The following CCDC137 variants were observed in gnomAD, a reference collection of about 807,000 sequenced individuals.
CCDC137 encodes coiled-coil domain containing 137, also known as coiled-coil domain-containing protein 137.
Under a neutral mutation model 30.4 loss-of-function variants are expected in CCDC137, and 24 were observed. The ratio of observed to expected loss-of-function variants is 0.79; its 90% confidence interval spans 0.57 to 1.11. The LOEUF (loss-of-function observed/expected upper bound fraction) is 1.11. CCDC137 is among the 50% of genes least tolerant of loss of function. The pLI, the probability that CCDC137 is intolerant of heterozygous loss-of-function variation, is 0.00. For missense variants in CCDC137, 417 were observed against 380.4 expected, an observed-to-expected ratio of 1.10 and a Z score of -0.80; for synonymous variants, 182 against 155.7, an observed-to-expected ratio of 1.17 and a Z score of -1.26.
At position 81,667,768 on chromosome 17, in the gene CCDC137, G is replaced by A. The variant is rs1391262369; in HGVS notation, c.174G>A (p.Gln58=). 5 of 1,613,678 alleles carry A rather than the reference G, an allele frequency of 3.1e-6. No individual in the cohort carries two copies. Among genetic ancestry groups the A allele is most frequent in the African/African-American group, 1.3e-5 (1 of 75,034 alleles). Residue 58 remains glutamine, a synonymous_variant, in exon 2 of 6, where the codon CAG becomes CAA. Coordinates refer to ENST00000329214, the MANE Select transcript of CCDC137 (RefSeq NM_199287.3). ...KKKVNCKPKN[Q]DEQEIPFRLR... is the part of the protein sequence containing the mutation. ...AAGTGAACTGCAAGCCCAAGAACCA[G>A]GACGAACAGGAGATTCCTTTCCGGC...
intron 5 of CCDC137, 91 bp downstream of exon 5, chr17:81,672,246 T>C: frequency 7.5e-7 from 1 of 1,340,092 alleles, no homozygotes; most frequent in Non-Finnish European, 1.1e-6. Context: ...GGGTCACACC[T>C]GTAATCCCAG....
intron 3 of CCDC137, 111 bp from the exon 4 acceptor site, chr17:81,671,633 T>C (rs1248195820): frequency 1.9e-6 from 2 of 1,054,916 alleles, no homozygotes; most frequent in Non-Finnish European, 2.8e-6. Flanking sequence ...CCACCTGTTC[T>C]TGGGTCCCTG....
intron 4 of CCDC137, 112 bp downstream of exon 4, chr17:81,671,938 G>A: frequency 6.8e-7 from 1 of 1,465,698 alleles, no homozygotes; most frequent in South Asian, 1.1e-5. Flanking sequence ...TTCCCCTGGG[G>A]TCCACAGCCA....
At chr17:81,668,678 G>T (rs992026784) in intron 2 of CCDC137, among the ~76,000 whole-genome samples, 3 of 152,082 alleles carry the variant, frequency 2.0e-5, no homozygotes, top group Non-Finnish European at 4.4e-5. Context: ...GTGCTGCATT[G>T]AATTGGCACC....
Position 81,666,898 on chromosome 17 carries a change from C to T in CCDC137, c.132C>T (p.Arg44=), listed in dbSNP as rs2036639153. ...GCCCAGCCCCGTGGCCCGGGCTTCG[C>T]AGGTGACTGCGCTGCCCCGCGAGGC... ...KQRPAPWPGL[R]SKEKKKVNCK... Residue 44 remains arginine (R), a splice_region_variant and synonymous_variant, in exon 1 of 6, where the codon CGC becomes CGT. Transcript: ENST00000329214. The T allele has an allele frequency of 7.8e-6, 10 of 1,276,802 alleles. No individual in the cohort carries two copies. The South Asian group carries it at 2.3e-4, about 29-fold the overall frequency. 79.1% of individuals were successfully genotyped at this position (1,276,802 alleles called of 1,614,324 possible). A position where few individuals can be genotyped will look rare whatever the true frequency, so the allele number is the denominator to read the frequency against.
At chr17:81,668,281 C>T (rs1239406963) in intron 2 of CCDC137, among the ~76,000 whole-genome samples, 1 of 152,178 alleles carries the variant, frequency 6.6e-6, no homozygotes, top group Non-Finnish European at 1.5e-5. Flanking sequence ...AGCCATGATT[C>T]TTGGGACAAG....
Position 81,673,446 on chromosome 17 carries a change from T to A in CCDC137, c.*742T>A, listed in dbSNP as rs980767524. ...AGTTGTCACCTACCTAACAGGGCTC[T>A]GAGAGAGCCGGGAGGCCCAAAGTGG... On this transcript the variant is annotated 3_prime_UTR_variant, in exon 6 of 6. Coordinates refer to ENST00000329214, the MANE Select transcript of CCDC137 (RefSeq NM_199287.3). 6.6e-6 allele frequency: 1 copy of A among 151,598 alleles called. No homozygotes were observed. Among genetic ancestry groups the A allele is most frequent in the African/African-American group, 2.4e-5 (1 of 41,298 alleles). The allele number at this position is 151,598 out of a possible 1,614,324, so 9.4% of individuals were successfully genotyped here.
Position 81,667,874 on chromosome 17 carries a change from C to G in CCDC137, c.268+12C>G. The G allele has an allele frequency of 1.2e-6, 2 of 1,609,884 alleles. No individual in the cohort carries two copies. Among genetic ancestry groups the G allele is most frequent in the Non-Finnish European group, 1.7e-6 (2 of 1,179,348 alleles). On this transcript the variant is annotated intron_variant, in intron 2 of 5. Transcript: ENST00000329214. Reference sequence around the variant, plus strand: ...GAGGAAGAAAGCAGGTGTGTGCAGGCCCATACTGGGCGGCAGTGAAGCTTT... The same window carrying G: ...GAGGAAGAAAGCAGGTGTGTGCAGGGCCATACTGGGCGGCAGTGAAGCTTT...
Position 81,672,063 on chromosome 17 carries a change from T to C in CCDC137, c.581-13T>C. The C allele has an allele frequency of 6.2e-7, 1 of 1,613,956 alleles. No individual in the cohort carries two copies. The highest frequency in any genetic ancestry group is 1.1e-5 in the South Asian group (1 of 91,078). On this transcript the variant is annotated splice_polypyrimidine_tract_variant and intron_variant, in intron 4 of 5. Coordinates refer to ENST00000329214, the MANE Select transcript of CCDC137 (RefSeq NM_199287.3). Reference sequence around the variant, plus strand: ...TGTGGGCAGCAGTCCTCAGTTGTATTCTGCTCCTCCAGACACGGTGAAGTT... The same window carrying C: ...TGTGGGCAGCAGTCCTCAGTTGTATCCTGCTCCTCCAGACACGGTGAAGTT...
chr17:81,670,599 G>C, intron 3 of CCDC137, 146 bp downstream of exon 3: 1 of 710,342 alleles, frequency 1.4e-6, no homozygotes, highest in East Asian at 2.7e-5. Context: ...CCTGGGAGTT[G>C]GCGAGTCGGA....
chr17:81,671,346 T>C (rs1439730629), intron 3 of CCDC137, among the ~76,000 whole-genome samples: 1 of 152,200 alleles, frequency 6.6e-6, no homozygotes, highest in African/African-American at 2.4e-5. Context: ...GGAGACGTGA[T>C]ATACAATGCT....
At position 81,667,103 on chromosome 17, in the gene CCDC137, C is replaced by G. The variant is rs964758613; in HGVS notation, c.134+203C>G. On this transcript the variant is annotated intron_variant, in intron 1 of 5. Transcript: ENST00000329214. ...GGCGCGAGCGAGTCCTTGGTTTTGCCTTTCCCGCGTCCCAGTGTCCCGTCT... is the reference window on the plus strand; with the variant it reads ...GGCGCGAGCGAGTCCTTGGTTTTGCGTTTCCCGCGTCCCAGTGTCCCGTCT... 37 of 495,302 alleles carry G rather than the reference C, an allele frequency of 7.5e-5. No individual in the cohort carries two copies. The Admixed American group carries it at 1.5e-3, about 19-fold the overall frequency. The allele number at this position is 495,302 out of a possible 1,614,324, so 30.7% of individuals were successfully genotyped here.
At chr17:81,670,834 C>T (rs1266502288) in intron 3 of CCDC137, among the ~76,000 whole-genome samples, 1 of 152,132 alleles carries the variant, frequency 6.6e-6, no homozygotes, top group Non-Finnish European at 1.5e-5. Flanking sequence ...CTTCCTAATT[C>T]TCTAAAAGCT....
intron 2 of CCDC137, among the ~76,000 whole-genome samples, chr17:81,669,312 G>A (rs12944253): frequency 0.089 from 13,421 of 150,110 alleles, 847 homozygotes; most frequent in East Asian, 0.22. Flanking sequence ...TGCCCGGCTC[G>A]TTTTTGTATT....
At chr17:81,671,901 G>A in intron 4 of CCDC137, 75 bp downstream of exon 4, 1 of 1,556,110 alleles carries the variant, frequency 6.4e-7, no homozygotes, top group Non-Finnish European at 8.8e-7. Context: ...TTCCCCACCA[G>A]CCCTGGCTGC....
In CCDC137 at chr17:81,666,856, G is replaced by A. The variant is rs1012576467; in HGVS notation, c.90G>A (p.Gln30=). The A allele has an allele frequency of 3.8e-6, 5 of 1,322,590 alleles. No individual in the cohort carries two copies. The highest frequency in any genetic ancestry group is 2.1e-5 in the South Asian group (1 of 48,622). The allele number at this position is 1,322,590 out of a possible 1,614,324, so 81.9% of individuals were successfully genotyped here. ...GAGCGCGGGGGCGGCAGCAAGTGCA[G>A]CCGCTGGGGAAGCAGCGCCCAGCCC... ...PRRARGRQQV[Q]PLGKQRPAPW... is the part of the protein sequence containing the mutation. Residue 30 remains glutamine (Q), a synonymous_variant, in exon 1 of 6, where the codon CAG becomes CAA. Coordinates refer to ENST00000329214, the MANE Select transcript of CCDC137 (RefSeq NM_199287.3).
intron 5 of CCDC137, 125 bp downstream of exon 5, chr17:81,672,280 G>A (rs12938873): frequency 0.06 from 63,685 of 1,057,432 alleles, 3,320 homozygotes; most frequent in East Asian, 0.26. Flanking sequence ...CAAGGCAGGC[G>A]GATTGCTTGA....
At chr17:81,668,014 C>T (rs1257466414) in intron 2 of CCDC137, 152 bp downstream of exon 2, 2 of 975,706 alleles carry the variant, frequency 2.0e-6, no homozygotes, top group Non-Finnish European at 2.9e-6. Context: ...AAAGCAGTGG[C>T]TGGCAGCTGG....
rs909966835 is a variant in CCDC137, at chr17:81,670,528, C to T, written c.497+75C>T. 6 of 1,290,094 alleles carry T rather than the reference C, an allele frequency of 4.7e-6. No homozygotes were observed. The African/African-American group carries it at 8.8e-5, about 19-fold the overall frequency. The allele number at this position is 1,290,094 out of a possible 1,614,324, so 79.9% of individuals were successfully genotyped here. On this transcript the variant is annotated intron_variant, in intron 3 of 5. Coordinates refer to ENST00000329214, the MANE Select transcript of CCDC137 (RefSeq NM_199287.3). ...GACATTGGGTTCCCATGACGGCCCT[C>T]TGCAGGTACCCTGTTTCATAGCCAT...
Sources: gnomAD v4.1 joint callset for allele counts (sites outside exome capture counted in the v4.1 genomes callset) on GRCh38, gnomAD v4.1.1 for gene constraint, MANE v1.5 for transcripts, NCBI Gene and HGNC (gene_info 2026-07-23, HGNC 2026-07-21) for gene names.